PRDM1: variants seen among roughly 807,000 people sequenced by gnomAD.
The protein encoded by PRDM1 is PR/SET domain 1.
A neutral mutation model predicts 62.8 loss-of-function variants in PRDM1; 13 were observed. The ratio of observed to expected loss-of-function variants is 0.21; its 90% CI spans 0.13 to 0.33. PRDM1 has a LOEUF of 0.33. Among genes scored for constraint, PRDM1 ranks in the 10% least tolerant of loss-of-function variants. The pLI, the probability that PRDM1 is intolerant of heterozygous loss-of-function variation, is 1.00. For synonymous variants in PRDM1, 396 were observed against 417.6 expected, an observed-to-expected ratio of 0.95 and a Z score of 0.63; for missense variants, 895 against 1,058.8, an observed-to-expected ratio of 0.85 and a Z score of 2.15.
chr6:106,042,539 A>AC (rs1491271174), intron 1 of PRDM1, among the ~76,000 whole-genome samples: 4 of 150,762 alleles, frequency 2.7e-5, no homozygotes, highest in Non-Finnish European at 4.4e-5. Context: ...AAAAAAAAAA[A>AC]CAAACAAACA....
chr6:106,025,816 A>C (rs1212642304), intron 1 of PRDM1, among the ~76,000 whole-genome samples: 1 of 152,220 alleles, frequency 6.6e-6, no homozygotes, highest in Non-Finnish European at 1.5e-5. Context: ...ATACTAAACT[A>C]ATGTCTTTCT....
chr6:106,106,530 A>C lies in PRDM1; in HGVS notation c.1902+31A>C, dbSNP rs377396843. The C allele has an allele frequency of 3.5e-5, 56 of 1,613,028 alleles. No homozygotes were observed. The African/African-American group carries it at 7.2e-4, about 21-fold the overall frequency. ...CAGTATTTTCTGGGTAGACCTTCTG[A>C]CCTTTGTAGAAAATGTCTGTGAGTC... On this transcript the variant is annotated intron_variant, in intron 6 of 6. Transcript: ENST00000369096. This position sits in a 1 kb window ranked among gnomAD's most constrained non-coding sequence, Gnocchi z 4.4.
chr6:106,041,219 T>C (rs1283811300), intron 1 of PRDM1, among the ~76,000 whole-genome samples: 2 of 26,162 alleles, frequency 7.6e-5, no homozygotes, highest in Non-Finnish European at 1.4e-4. Context: ...CTTTTCATTG[T>C]CATTGTTCTT....
chr6:106,071,408 CAT>C (rs940368671), intron 1 of PRDM1, among the ~76,000 whole-genome samples: 2 of 151,950 alleles, frequency 1.3e-5, no homozygotes, highest in Non-Finnish European at 2.9e-5. Context: ...CACACACACA[CAT>C]ACATACATAC....
chr6:106,004,224 T>C (rs1772459231), intron 1 of PRDM1, among the ~76,000 whole-genome samples: 2 of 151,770 alleles, frequency 1.3e-5, no homozygotes, highest in South Asian at 4.2e-4. Flanking sequence ...AGAAAGCTGC[T>C]GGGGGGAACT....
chr6:106,076,240 A>G (rs1773604500), intron 1 of PRDM1, among the ~76,000 whole-genome samples: 1 of 152,206 alleles, frequency 6.6e-6, no homozygotes, highest in Non-Finnish European at 1.5e-5. Flanking sequence ...TGCTGGCATT[A>G]CAGGCGTGAA....
intron 1 of PRDM1, among the ~76,000 whole-genome samples, chr6:106,055,860 G>T (rs757381738): frequency 3.9e-5 from 6 of 152,140 alleles, no homozygotes; most frequent in Non-Finnish European, 8.8e-5. Context: ...TTGCAAACGT[G>T]CCTGTTGTTA....
upstream of PRDM1, among the ~76,000 whole-genome samples, chr6:106,081,864 G>A (rs1773700581): frequency 6.6e-6 from 1 of 152,264 alleles, no homozygotes; most frequent in Admixed American, 6.5e-5. Flanking sequence ...GCTCCTCCCT[G>A]CACTGGGTCT....
chr6:106,090,670 T>C (rs1773938265), intron 2 of PRDM1, among the ~76,000 whole-genome samples: 1 of 152,244 alleles, frequency 6.6e-6, no homozygotes, highest in South Asian at 2.1e-4. Flanking sequence ...TTATCTTTAT[T>C]CAGTTAGTTC....
At chr6:106,072,955 A>G (rs748492814) in intron 1 of PRDM1, among the ~76,000 whole-genome samples, 28 of 152,212 alleles carry the variant, frequency 1.8e-4, no homozygotes, top group Non-Finnish European at 3.7e-4. Context: ...AGGGAGTAGT[A>G]GAAGGGATGA....
chr6:106,038,357 G>A (rs558846590), intron 1 of PRDM1, among the ~76,000 whole-genome samples: 29 of 152,168 alleles, frequency 1.9e-4, no homozygotes, highest in African/African-American at 6.3e-4. Context: ...TCAGCCTGAG[G>A]TATAAACTTA....
rs1324354070 is a variant in PRDM1 at position 106,104,852 on chromosome 6, C to T, written c.692C>T (p.Pro231Leu). The T allele has an allele frequency of 9.3e-6, 15 of 1,613,822 alleles. No homozygotes were observed. Among genetic ancestry groups the T allele is most frequent in the East Asian group, 2.2e-5 (1 of 44,872 alleles). ...CAAACACAGAGCAGTCTAAAGCAAC[C>T]GAGCACTGAGAAAAATGAACTCTGC... ...LTQTQSSLKQPSTEKNELCPK... is the reference protein window; with the variant it reads ...LTQTQSSLKQLSTEKNELCPK... The change falls in exon 5 of 7, where the codon CCG becomes CTG. Residue 231 changes from proline (P) to leucine (L), a missense_variant. Pro to Leu is a moderately conservative substitution (Grantham distance 98). Coordinates refer to ENST00000369096, the MANE Select transcript of PRDM1 (RefSeq NM_001198.4).
chr6:106,039,899 T>C (rs1772969786), intron 1 of PRDM1, among the ~76,000 whole-genome samples: 1 of 152,266 alleles, frequency 6.6e-6, no homozygotes, highest in Admixed American at 6.5e-5. Context: ...CGAATGGCAA[T>C]TAAGAAATGG....
rs934937440 is a variant in PRDM1 at position 106,040,477 on chromosome 6, G to C, written c.-67+46838G>C. 4.6e-5 allele frequency among the ~76,000 whole-genome samples: 7 copies of C among 152,336 alleles called. No individual in the cohort carries two copies. The East Asian group carries it at 1.4e-3, about 29-fold the overall frequency. On this transcript the variant is annotated intron_variant, in intron 1 of 6. Coordinates refer to the PRDM1 transcript ENST00000652320. ...AGAGGCTCTCAGATAGTCTGCTTAAGAGATATACTGTCCTCCTAGTTTCTG... is the reference window on the plus strand; with the variant it reads ...AGAGGCTCTCAGATAGTCTGCTTAACAGATATACTGTCCTCCTAGTTTCTG...
chr6:106,017,323 C>T (rs1772634198), intron 1 of PRDM1, among the ~76,000 whole-genome samples: 1 of 152,186 alleles, frequency 6.6e-6, no homozygotes, highest in Non-Finnish European at 1.5e-5. Flanking sequence ...TAAGTTAAAA[C>T]ATATTTAGAT....
rs1774634182 is a variant in PRDM1, at chr6:106,109,700, TTC to T, written c.*2216_*2217del. 2 of 233,336 alleles carry T rather than the reference TTC, an allele frequency of 8.6e-6. No homozygotes were observed. The highest frequency in any genetic ancestry group is 1.7e-5 in the Non-Finnish European group (2 of 117,780). 14.5% of individuals were successfully genotyped at this position (233,336 alleles called of 1,614,324 possible). A position where few individuals can be genotyped will look rare whatever the true frequency, so the allele number is the denominator to read the frequency against. ...CCATAGTGAGAATTTTTATAAAGAC[TTC>T]TTGCTTCTCTCACCATCCATCCTTC... On this transcript the variant is annotated 3_prime_UTR_variant, in exon 7 of 7. Coordinates refer to ENST00000369096, the MANE Select transcript of PRDM1 (RefSeq NM_001198.4).
chr6:106,024,357 T>C (rs1772738259), intron 1 of PRDM1, among the ~76,000 whole-genome samples: 1 of 152,180 alleles, frequency 6.6e-6, no homozygotes, highest in Admixed American at 6.5e-5. Context: ...TAATATATTA[T>C]TGTTTCTTCA....
intron 1 of PRDM1, among the ~76,000 whole-genome samples, chr6:106,055,282 T>C (rs1197283338): frequency 1.3e-5 from 2 of 152,306 alleles, no homozygotes; most frequent in South Asian, 4.1e-4. Flanking sequence ...TTACGGGAAT[T>C]TTTTTCTTGG....
At chr6:106,048,439 A>G (rs545242122), upstream of PRDM1, among the ~76,000 whole-genome samples, 38 of 152,140 alleles carry the variant, frequency 2.5e-4, no homozygotes, top group Non-Finnish European at 4.7e-4. Context: ...AGTTATGGGC[A>G]GGACTCAGGC....
Sources: gnomAD v4.1 joint callset for allele counts (sites outside exome capture counted in the v4.1 genomes callset) on GRCh38, gnomAD v4.1.1 for gene constraint, Gnocchi (gnomAD v3.1) non-coding constraint, MANE v1.5 for transcripts, NCBI Gene and HGNC (gene_info 2026-07-23, HGNC 2026-07-21) for gene names.